MARCHF8: variants seen among roughly 807,000 people sequenced by gnomAD.
MARCHF8 encodes the protein membrane associated ring-CH-type finger 8, also known as E3 ubiquitin-protein ligase MARCHF8.
Under a neutral mutation model 51.6 loss-of-function variants are expected in MARCHF8, and 40 were observed. That is an observed-to-expected ratio of 0.77 (90% CI 0.60 to 1.01). MARCHF8 has a LOEUF of 1.01. Ranked by LOEUF, MARCHF8 falls within the 50% of genes least tolerant of loss-of-function variation. The probability of loss-of-function intolerance (pLI) is 0.00; values close to 1 mark genes in which losing one functional copy is unlikely to be tolerated. For synonymous variants in MARCHF8, 263 were observed against 280.3 expected (o/e 0.94, Z 0.62); for missense variants, 685 against 708.6 (o/e 0.97, Z 0.38).
intron 1 of MARCHF8, among the ~76,000 whole-genome samples, chr10:45,566,244 T>G (rs2044362405): frequency 6.6e-6 from 1 of 152,188 alleles, no homozygotes; most frequent in South Asian, 2.1e-4. Context: ...GAATAGGGTA[T>G]CCATACCCTA....
intron 1 of MARCHF8, among the ~76,000 whole-genome samples, chr10:45,572,394 C>T (rs1282288977): frequency 6.6e-6 from 1 of 152,106 alleles, no homozygotes; most frequent in Non-Finnish European, 1.5e-5. Context: ...AGCCTGTGTT[C>T]TCAAGAACTT....
intron 2 of MARCHF8, among the ~76,000 whole-genome samples, chr10:45,491,083 G>C (rs2043072708): frequency 1.3e-5 from 2 of 152,106 alleles, no homozygotes; most frequent in Non-Finnish European, 2.9e-5. Flanking sequence ...ATTTTTTATA[G>C]AGACAGGGTC....
At chr10:45,544,032 T>A (rs1348863253) in intron 1 of MARCHF8, among the ~76,000 whole-genome samples, 1 of 151,980 alleles carries the variant, frequency 6.6e-6, no homozygotes, top group African/African-American at 2.4e-5. Context: ...CACAACACTG[T>A]ACTCCATTCT....
Position 45,580,581 on chromosome 10 carries a change from T to C in MARCHF8, c.-79+13654A>G, listed in dbSNP as rs1456128676. On this transcript the variant is annotated intron_variant, in intron 1 of 6. Transcript: ENST00000319836. ...AAACTCTCCCACCTCATTTCATATA[T>C]GTAAAAAATGTATCTAGCTATTTAA... 4.6e-5 allele frequency among the ~76,000 whole-genome samples: 7 copies of C among 152,176 alleles called. No individual in the cohort carries two copies. The South Asian group carries it at 1.0e-3, about 23-fold the overall frequency.
At chr10:45,571,271 T>G (rs1156947978) in intron 1 of MARCHF8, among the ~76,000 whole-genome samples, 1 of 152,092 alleles carries the variant, frequency 6.6e-6, no homozygotes, top group East Asian at 1.9e-4. Flanking sequence ...ACAAAAGAAG[T>G]GAAAATAGCC....
intron 3 of MARCHF8, among the ~76,000 whole-genome samples, chr10:45,470,541 CT>C (rs1240382829): frequency 6.6e-6 from 1 of 152,192 alleles, no homozygotes; most frequent in African/African-American, 2.4e-5. Context: ...TTAAGGTCAA[CT>C]GTGCCACACA....
intron 2 of MARCHF8, among the ~76,000 whole-genome samples, chr10:45,524,623 A>G (rs2043761574): frequency 6.6e-6 from 1 of 152,240 alleles, no homozygotes; most frequent in South Asian, 2.1e-4. Context: ...TCTATAAAAA[A>G]GCTAGAAATG....
intron 1 of MARCHF8, among the ~76,000 whole-genome samples, chr10:45,542,545 T>C (rs2044068475): frequency 6.6e-6 from 1 of 152,086 alleles, no homozygotes; most frequent in African/African-American, 2.4e-5. Context: ...ATTTATAGTA[T>C]ATGTAGCAGA....
At chr10:45,495,496 T>C (rs975167324) in intron 2 of MARCHF8, among the ~76,000 whole-genome samples, 3 of 152,078 alleles carry the variant, frequency 2.0e-5, no homozygotes, top group Non-Finnish European at 4.4e-5. Flanking sequence ...GCTGAAGACA[T>C]CTGATATTCA....
At chr10:45,465,460 C>T (rs1459794573) in intron 3 of MARCHF8, among the ~76,000 whole-genome samples, 1 of 152,230 alleles carries the variant, frequency 6.6e-6, no homozygotes, top group Non-Finnish European at 1.5e-5. Flanking sequence ...CCCACTCTTT[C>T]TAAGTACCAT....
chr10:45,470,462 C>A (rs1443250375), intron 3 of MARCHF8, among the ~76,000 whole-genome samples: 3 of 152,198 alleles, frequency 2.0e-5, no homozygotes, highest in Non-Finnish European at 4.4e-5. Flanking sequence ...AGAGAACGTT[C>A]TCTGCTTTTT....
At chr10:45,524,102 T>A (rs888577918) in intron 2 of MARCHF8, among the ~76,000 whole-genome samples, 1 of 152,220 alleles carries the variant, frequency 6.6e-6, no homozygotes, top group Non-Finnish European at 1.5e-5. Flanking sequence ...AATCTATATA[T>A]GCAAAAGAAA....
chr10:45,556,343 G>A (rs1424874304), intron 1 of MARCHF8, among the ~76,000 whole-genome samples: 1 of 152,030 alleles, frequency 6.6e-6, no homozygotes, highest in East Asian at 1.9e-4. Context: ...TTCATTCTAA[G>A]AAAAACAGCC....
intron 2 of MARCHF8, among the ~76,000 whole-genome samples, chr10:45,526,179 C>T (rs933807699): frequency 3.3e-5 from 5 of 151,894 alleles, no homozygotes; most frequent in Non-Finnish European, 4.4e-5. Flanking sequence ...TCCAAAACGG[C>T]GAGTAGATAT....
At chr10:45,545,032 C>T (rs1284988180) in intron 1 of MARCHF8, among the ~76,000 whole-genome samples, 3 of 152,154 alleles carry the variant, frequency 2.0e-5, no homozygotes, top group African/African-American at 7.2e-5. Context: ...CTTCCTTCCC[C>T]TTTTGGGCTA....
Position 45,513,358 on chromosome 10 carries a change from C to T in MARCHF8, c.102+19752G>A, listed in dbSNP as rs938778089. Among the ~76,000 whole-genome samples the T allele has an allele frequency of 6.6e-5, 10 of 152,078 alleles. 1 individual carries two copies. The highest frequency in any genetic ancestry group is 2.2e-4 in the African/African-American group (9 of 41,348). On this transcript the variant is annotated intron_variant, in intron 2 of 7. Coordinates refer to ENST00000453424, the MANE Select transcript of MARCHF8 (RefSeq NM_001282866.2). ...TGCAGAATGTACTCATTCAGAAACA[C>T]GTTTATTAACCACCTACTATGAGCC...
intron 1 of MARCHF8, among the ~76,000 whole-genome samples, chr10:45,586,571 G>A (rs1220404041): frequency 6.6e-6 from 1 of 152,086 alleles, no homozygotes; most frequent in Non-Finnish European, 1.5e-5. Flanking sequence ...GTTTTCCAAA[G>A]TGCCTGTACA....
intron 3 of MARCHF8, among the ~76,000 whole-genome samples, chr10:45,472,933 G>A (rs932811454): frequency 2.6e-5 from 4 of 152,092 alleles, no homozygotes; most frequent in Non-Finnish European, 5.9e-5. Context: ...TCCTGTTTTG[G>A]GACAGCTGTT....
At chr10:45,474,723 G>T (rs919023128) in intron 3 of MARCHF8, among the ~76,000 whole-genome samples, 5 of 152,170 alleles carry the variant, frequency 3.3e-5, no homozygotes, top group African/African-American at 7.2e-5. Context: ...CAGAGAACAC[G>T]AATTCAACAG....
Sources: gnomAD v4.1 joint callset for allele counts (sites outside exome capture counted in the v4.1 genomes callset) on GRCh38, gnomAD v4.1.1 for gene constraint, MANE v1.5 for transcripts, NCBI Gene and HGNC (gene_info 2026-07-23, HGNC 2026-07-21) for gene names.